The following ASTN2 variants were observed in gnomAD, a reference collection of about 807,000 sequenced individuals.
ASTN2 encodes astrotactin-2.
A neutral mutation model predicts 139.8 loss-of-function variants in ASTN2; 54 were observed. The observed-to-expected ratio is 0.39, with a 90% confidence interval of 0.31 to 0.48. ASTN2 has a LOEUF of 0.48. Ranked by LOEUF, ASTN2 falls within the 20% of genes least tolerant of loss-of-function variation. The pLI, the probability that ASTN2 is intolerant of heterozygous loss-of-function variation, is 0.95. For synonymous variants in ASTN2, 756 were observed against 719.5 expected, an observed-to-expected ratio of 1.05 and a Z score of -0.81; for missense variants, 1,565 against 1,725.1, an observed-to-expected ratio of 0.91 and a Z score of 1.64.
chr9:116,658,933 G>GTATGTTAA (rs527960914), intron 16 of ASTN2, among the ~76,000 whole-genome samples: 115 of 152,078 alleles, frequency 7.6e-4, no homozygotes, highest in Middle Eastern at 6.8e-3. Flanking sequence ...AAGTATGTTA[G>GTATGTTAA]CAATGTAAAA....
At chr9:117,196,908 C>G (rs1394985233) in intron 3 of ASTN2, among the ~76,000 whole-genome samples, 1 of 118,112 alleles carries the variant, frequency 8.5e-6, no homozygotes, top group African/African-American at 3.2e-5. Flanking sequence ...TACCCAGCTC[C>G]CCTTGAGAGA....
chr9:117,074,477 T>A (rs536805497), intron 5 of ASTN2, among the ~76,000 whole-genome samples: 1 of 152,306 alleles, frequency 6.6e-6, no homozygotes, highest in South Asian at 2.1e-4. Flanking sequence ...TCTAGGCTGA[T>A]GGAACAGCCC....
intron 1 of ASTN2, among the ~76,000 whole-genome samples, chr9:117,405,047 A>G (rs77758356): frequency 0.013 from 2,023 of 152,284 alleles, 43 homozygotes; most frequent in African/African-American, 0.046. Context: ...GCAAGGAGCA[A>G]GCAAAGGGGC....
intron 3 of ASTN2, among the ~76,000 whole-genome samples, chr9:117,155,197 GT>G (rs750110947): frequency 6.6e-6 from 1 of 152,038 alleles, no homozygotes. Context: ...TCTTTTCCTT[GT>G]TTTGGCCCTG....
At chr9:116,779,853 CT>C (rs1244017544) in intron 13 of ASTN2, among the ~76,000 whole-genome samples, 9 of 152,182 alleles carry the variant, frequency 5.9e-5, no homozygotes, top group African/African-American at 1.2e-4. Flanking sequence ...AAATTCCCCC[CT>C]GGTCTCAGCC....
chr9:117,215,521 A>C (rs577667350), intron 2 of ASTN2, among the ~76,000 whole-genome samples: 43 of 150,356 alleles, frequency 2.9e-4, no homozygotes, highest in Non-Finnish European at 5.8e-4. Context: ...TGATACACTC[A>C]GCTCCTAAAT....
At chr9:116,557,223 C>CAAAAAAAAAAAAAAAAAAAA (rs60756690) in intron 19 of ASTN2, among the ~76,000 whole-genome samples, 2 of 53,596 alleles carry the variant, frequency 3.7e-5, no homozygotes, top group African/African-American at 1.5e-4. Context: ...GACTCTGTCT[C>CAAAAAAAAAAAAAAAAAAAA]AAAAAAAAAA....
intron 19 of ASTN2, among the ~76,000 whole-genome samples, chr9:116,525,262 A>C (rs1363220720): frequency 6.6e-6 from 1 of 152,230 alleles, no homozygotes; most frequent in African/African-American, 2.4e-5. Flanking sequence ...TATCTCTGAC[A>C]GAAGAAATGT....
chr9:116,689,790 T>A (rs803943), intron 16 of ASTN2, among the ~76,000 whole-genome samples: 86,231 of 151,870 alleles, frequency 0.57, 25,053 homozygotes, highest in East Asian at 0.87. Flanking sequence ...GACCAAGACC[T>A]GGGGCTAGAT....
rs144651222 is a variant in ASTN2 at position 116,694,874 on chromosome 9, C to T, written c.2806+30897G>A. On this transcript the variant is annotated intron_variant, in intron 16 of 22. Transcript: ENST00000313400. ...TCAGATATCCACATCAGACCTCATA[C>T]GCTCATGATATATGGTAAATATTAT... Among the ~76,000 whole-genome samples the T allele has an allele frequency of 1.2e-4, 18 of 152,068 alleles. No homozygotes were observed. The East Asian group carries it at 1.5e-3, about 13-fold the overall frequency.
intron 10 of ASTN2, among the ~76,000 whole-genome samples, chr9:116,964,532 A>C (rs1194362211): frequency 6.6e-6 from 1 of 152,182 alleles, no homozygotes; most frequent in Non-Finnish European, 1.5e-5. Context: ...TGAGATGTCT[A>C]TCAGCAGAAG....
intron 2 of ASTN2, among the ~76,000 whole-genome samples, chr9:117,215,128 C>G (rs997206844): frequency 5.3e-5 from 8 of 152,114 alleles, no homozygotes; most frequent in Middle Eastern, 3.2e-3. Flanking sequence ...AGGTGAATGT[C>G]TGAATCTAGA....
At chr9:116,830,150 C>A (rs1831763624) in intron 11 of ASTN2, among the ~76,000 whole-genome samples, 1 of 152,138 alleles carries the variant, frequency 6.6e-6, no homozygotes, top group African/African-American at 2.4e-5. Context: ...AAACAAATAA[C>A]CCCATTAAAA....
At chr9:116,596,815 C>T (rs773068711) in intron 19 of ASTN2, among the ~76,000 whole-genome samples, 5 of 152,178 alleles carry the variant, frequency 3.3e-5, no homozygotes, top group South Asian at 2.1e-4. Context: ...TTAAGACTCA[C>T]GTGCTTAATC....
chr9:117,094,823 A>G (rs998747690), intron 5 of ASTN2, among the ~76,000 whole-genome samples: 3 of 152,206 alleles, frequency 2.0e-5, no homozygotes, highest in Admixed American at 6.5e-5. Context: ...AATTTTTTAC[A>G]TAGCTTAACC....
chr9:117,318,900 G>C (rs1828231473), intron 1 of ASTN2, among the ~76,000 whole-genome samples: 1 of 152,160 alleles, frequency 6.6e-6, no homozygotes, highest in South Asian at 2.1e-4. Context: ...GGACCAAGAG[G>C]TGCTGGTTCA....
intron 4 of ASTN2, among the ~76,000 whole-genome samples, chr9:117,128,371 CAAAAAAAAAAAAAA>C (rs1167187783): frequency 1.4e-4 from 9 of 66,412 alleles, no homozygotes; most frequent in African/African-American, 5.3e-4. Context: ...GACACTGTCT[CAAAAAAAAAAAAAA>C]AAAAAAAAAA....
At chr9:116,731,258 G>A (rs1828776426) in intron 14 of ASTN2, among the ~76,000 whole-genome samples, 1 of 150,902 alleles carries the variant, frequency 6.6e-6, no homozygotes, top group South Asian at 2.1e-4. Context: ...CCCTTTATTA[G>A]GAAATCTCCA....
At chr9:116,784,969 G>C (rs1830329250) in intron 13 of ASTN2, among the ~76,000 whole-genome samples, 1 of 151,436 alleles carries the variant, frequency 6.6e-6, no homozygotes, top group South Asian at 2.1e-4. Context: ...GCAAGAAATG[G>C]ATATTTGAAT....
Sources: allele counts gnomAD v4.1 joint callset (sites outside exome capture counted in the v4.1 genomes callset), GRCh38; gene constraint gnomAD v4.1.1; transcripts MANE v1.5; gene names NCBI Gene and HGNC (gene_info 2026-07-23, HGNC 2026-07-21).